Variants in KLHL29 observed in about 807,000 individuals in gnomAD.
KLHL29 encodes kelch like family member 29.
KLHL29 carries 21 observed loss-of-function variants against 80.4 expected under a neutral mutation model. The ratio of observed to expected loss-of-function variants is 0.26; its 90% CI spans 0.19 to 0.38. The LOEUF (loss-of-function observed/expected upper bound fraction) is 0.38. Among genes scored for constraint, KLHL29 ranks in the 10% least tolerant of loss-of-function variants. The pLI is 1.00. For missense variants in KLHL29, 867 were observed against 1,223.9 expected (o/e 0.71, Z 4.35); for synonymous variants, 511 against 526.8 (o/e 0.97, Z 0.41).
intron 3 of KLHL29, among the ~76,000 whole-genome samples, chr2:23,614,363 C>A (rs1668948430): frequency 6.6e-6 from 1 of 152,116 alleles, no homozygotes; most frequent in Non-Finnish European, 1.5e-5. Flanking sequence ...TGAGACCTGT[C>A]TCAGATACCC....
At chr2:23,604,730 AAGG>A (rs1378508005) in intron 3 of KLHL29, among the ~76,000 whole-genome samples, 8 of 152,122 alleles carry the variant, frequency 5.3e-5, no homozygotes, top group Non-Finnish European at 8.8e-5. Flanking sequence ...TGAAGACAGA[AAGG>A]AGGACCTTCT....
At chr2:23,687,285 G>T (rs4555304) in intron 6 of KLHL29, among the ~76,000 whole-genome samples, 73,843 of 152,018 alleles carry the variant, frequency 0.49, 19,017 homozygotes, top group East Asian at 0.79. Context: ...ATCCCTCCCT[G>T]CTGTCCCCGC....
At chr2:23,547,082 CA>C (rs1225323983) in intron 2 of KLHL29, among the ~76,000 whole-genome samples, 2 of 152,202 alleles carry the variant, frequency 1.3e-5, no homozygotes, top group Non-Finnish European at 2.9e-5. Context: ...GAACCCACCA[CA>C]GTGCCACAGC....
chr2:23,406,104 G>A (rs1475531134), intron 1 of KLHL29, among the ~76,000 whole-genome samples: 6 of 152,152 alleles, frequency 3.9e-5, no homozygotes, highest in East Asian at 1.9e-4. Context: ...CAAGGCAGGC[G>A]GATCATTTGA....
At chr2:23,471,105 C>A (rs374301314) in intron 1 of KLHL29, among the ~76,000 whole-genome samples, 2 of 152,170 alleles carry the variant, frequency 1.3e-5, no homozygotes, top group East Asian at 3.9e-4. Context: ...GGTTTCCTCC[C>A]TACAGTTTAC....
Position 23,684,306 on chromosome 2 carries a change from T to C in KLHL29, c.941-93T>C. 1.1e-6 allele frequency: 1 copy of C among 944,164 alleles called. No homozygotes were observed. Among genetic ancestry groups the C allele is most frequent in the Non-Finnish European group, 1.5e-6 (1 of 689,176 alleles). 58.5% of individuals were successfully genotyped at this position (944,164 alleles called of 1,614,324 possible). A position where few individuals can be genotyped will look rare whatever the true frequency, so the allele number is the denominator to read the frequency against. ...CAATATCAAGTATTTCCTATTTCTC[T>C]ACTTCTTGAAAAAAGAAAAAAAACT... On this transcript the variant is annotated intron_variant, in intron 5 of 13. Coordinates refer to ENST00000486442, the MANE Select transcript of KLHL29 (RefSeq NM_052920.2). This position sits in a 1 kb window ranked among gnomAD's most constrained non-coding sequence, Gnocchi z 4.4.
chr2:23,545,715 C>T (rs1666963938), intron 2 of KLHL29, among the ~76,000 whole-genome samples: 1 of 152,214 alleles, frequency 6.6e-6, no homozygotes, highest in South Asian at 2.1e-4. Flanking sequence ...CGAGTCATTT[C>T]CTTTGTAGCC....
chr2:23,685,831 C>T (rs1450459572), intron 6 of KLHL29, among the ~76,000 whole-genome samples: 3 of 152,232 alleles, frequency 2.0e-5, no homozygotes, highest in Non-Finnish European at 4.4e-5. Context: ...AAATCCTGGA[C>T]AGCAGGGGCC....
chr2:23,445,403 T>G (rs1663644412), intron 1 of KLHL29, among the ~76,000 whole-genome samples: 1 of 152,202 alleles, frequency 6.6e-6, no homozygotes, highest in Non-Finnish European at 1.5e-5. Flanking sequence ...ATTGTCCGCT[T>G]TTTAATATAG....
At chr2:23,468,138 C>A (rs2103433051) in intron 1 of KLHL29, among the ~76,000 whole-genome samples, 1 of 152,228 alleles carries the variant, frequency 6.6e-6, no homozygotes, top group East Asian at 1.9e-4. Flanking sequence ...GTGGTATCAT[C>A]CCCATTGTAT....
chr2:23,601,489 T>C (rs1225073114), intron 3 of KLHL29, among the ~76,000 whole-genome samples: 1 of 152,162 alleles, frequency 6.6e-6, no homozygotes, highest in African/African-American at 2.4e-5. Context: ...CCTCTGTGGT[T>C]TGCCACAGGA....
chr2:23,701,344 C>T (rs930093278), intron 11 of KLHL29, among the ~76,000 whole-genome samples: 2 of 152,202 alleles, frequency 1.3e-5, no homozygotes, highest in South Asian at 4.1e-4. Flanking sequence ...CCTCTTCATT[C>T]CAGGACATAC....
chr2:23,695,944 C>A lies in KLHL29; in HGVS notation c.1742-7C>A. 2.6e-6 allele frequency: 4 copies of A among 1,550,762 alleles called. No homozygotes were observed. Among genetic ancestry groups the A allele is most frequent in the Non-Finnish European group, 3.5e-6 (4 of 1,146,724 alleles). On this transcript the variant is annotated splice_polypyrimidine_tract_variant and splice_region_variant and intron_variant, in intron 9 of 13. Coordinates refer to ENST00000486442, the MANE Select transcript of KLHL29 (RefSeq NM_052920.2). This position sits in a 1 kb window ranked among gnomAD's most constrained non-coding sequence, Gnocchi z 7.6. The stretch of plus-strand genomic sequence containing the variant: ...TGTCCCAAGGGCGCCCATCCATGTC[C>A]CTGCAGGTGTGGCTGAGGTCATCGT...
chr2:23,650,651 G>A (rs1383267164), intron 5 of KLHL29, among the ~76,000 whole-genome samples: 1 of 152,160 alleles, frequency 6.6e-6, no homozygotes, highest in East Asian at 1.9e-4. Context: ...AAAACACTGG[G>A]GGCCATTAAC....
intron 3 of KLHL29, chr2:23,617,407 T>C (rs1669047803): frequency 6.6e-6 from 1 of 152,290 alleles, no homozygotes; most frequent in Non-Finnish European, 1.5e-5. Context: ...CCGCAGCTTC[T>C]TGCCCGTGGC....
rs2149207760 is a variant in KLHL29 at position 23,693,441 on chromosome 2, C to T, written c.1455C>T (p.Ser485=). 1 of 1,551,726 alleles carries T rather than the reference C, an allele frequency of 6.4e-7. No homozygotes were observed. Among genetic ancestry groups the T allele is most frequent in the Non-Finnish European group, 8.7e-7 (1 of 1,146,982 alleles). ...AGGACGACTTCATCGCCTACGTCTC[C>T]AACGACAGCCTCAACACCAAGGCTG... is the stretch of plus-strand genomic sequence containing the variant. The part of the protein sequence containing the change: ...ISKDDFIAYV[S]NDSLNTKAEE... Residue 485 remains serine (S), a synonymous_variant, in exon 8 of 14, where the codon TCC becomes TCT. Coordinates refer to ENST00000486442, the MANE Select transcript of KLHL29 (RefSeq NM_052920.2).
intron 3 of KLHL29, among the ~76,000 whole-genome samples, chr2:23,604,746 G>A (rs930971748): frequency 1.2e-4 from 19 of 152,174 alleles, no homozygotes; most frequent in Non-Finnish European, 1.5e-5. Flanking sequence ...GACCTTCTGA[G>A]GTTAGAGGGG....
intron 3 of KLHL29, among the ~76,000 whole-genome samples, chr2:23,637,377 G>A (rs1035974732): frequency 3.3e-5 from 5 of 152,162 alleles, no homozygotes; most frequent in African/African-American, 4.8e-5. Flanking sequence ...AGTGAGTGCG[G>A]CTAAGTCCCC....
chr2:23,463,966 C>G (rs977592201), intron 1 of KLHL29, among the ~76,000 whole-genome samples: 60 of 152,174 alleles, frequency 3.9e-4, no homozygotes, highest in African/African-American at 1.4e-3. Context: ...CTGGATCACA[C>G]TATGTATTGT....
Sources: allele counts gnomAD v4.1 joint callset (sites outside exome capture counted in the v4.1 genomes callset), GRCh38; gene constraint gnomAD v4.1.1; non-coding constraint Gnocchi (gnomAD v3.1); transcripts MANE v1.5; gene names NCBI Gene and HGNC (gene_info 2026-07-23, HGNC 2026-07-21).